The following ITSN2 variants were observed in gnomAD, a reference collection of about 807,000 sequenced individuals.
ITSN2 encodes intersectin 2.
A neutral mutation model predicts 243.7 loss-of-function variants in ITSN2; 156 were observed. The observed-to-expected ratio is 0.64, with a 90% CI of 0.56 to 0.73. The LOEUF (loss-of-function observed/expected upper bound fraction) is 0.73, where lower values mean the gene tolerates loss of function less well. Ranked by LOEUF, ITSN2 falls within the 30% of genes least tolerant of loss-of-function variation. The probability of loss-of-function intolerance (pLI) is 0.00; values close to 1 mark genes in which losing one functional copy is unlikely to be tolerated. For synonymous variants in ITSN2, 703 were observed against 699.9 expected, an observed-to-expected ratio of 1.00 and a Z score of -0.07; for missense variants, 1,801 against 1,996.1, an observed-to-expected ratio of 0.90 and a Z score of 1.86.
Position 24,310,622 on chromosome 2 carries a change from A to C in ITSN2, c.423T>G (p.Ser141=), listed in dbSNP as rs774190811. The C allele has an allele frequency of 1.2e-6, 2 of 1,614,200 alleles. No individual in the cohort carries two copies. The highest frequency in any genetic ancestry group is 2.2e-5 in the South Asian group (2 of 91,084). The change falls in exon 6 of 40, where the codon TCT becomes TCG. Residue 141 remains serine (S), a synonymous_variant. Coordinates refer to ENST00000355123, the MANE Select transcript of ITSN2 (RefSeq NM_006277.3). ...GAAGGTTGGTCCCTGAAGTCGCAGA[A>C]GACAATGATGTTATAGGTGCAGCTG... The part of the protein sequence containing the change: ...LPPAAPITSL[S]SATSGTNLPP...
chr2:24,215,681 A>G (rs2151122323), intron 32 of ITSN2, among the ~76,000 whole-genome samples: 1 of 152,192 alleles, frequency 6.6e-6, no homozygotes, highest in African/African-American at 2.4e-5. Context: ...AAAAAAAAAA[A>G]AAAAGAGTAA....
chr2:24,297,047 A>C (rs1461746718), intron 13 of ITSN2, among the ~76,000 whole-genome samples: 1 of 152,224 alleles, frequency 6.6e-6, no homozygotes, highest in Non-Finnish European at 1.5e-5. Context: ...TGATATATAT[A>C]TATAAAAATA....
intron 3 of ITSN2, among the ~76,000 whole-genome samples, chr2:24,313,724 A>C (rs1683551137): frequency 6.6e-6 from 1 of 152,242 alleles, no homozygotes; most frequent in Non-Finnish European, 1.5e-5. Context: ...TCACATCTGC[A>C]CTTCTATTGT....
intron 7 of ITSN2, 198 bp from the exon 8 acceptor site, chr2:24,308,954 T>C: frequency 1.8e-6 from 1 of 570,346 alleles, no homozygotes; most frequent in Non-Finnish European, 3.4e-6. Flanking sequence ...CTCCAGCTCC[T>C]GTCCAGTGAG....
rs186959971 is a variant in ITSN2, at chr2:24,327,558, A to G, written c.31+494T>C. 5.3e-3 allele frequency among the ~76,000 whole-genome samples: 800 copies of G among 152,184 alleles called. 5 individuals are homozygous for G. Among genetic ancestry groups the G allele is most frequent in the African/African-American group, 0.016 (670 of 41,524 alleles). ...AAGTGATCTCCCTCCTCAGCCTCAC[A>G]AAGTGCTGTAATTACAGGCATGAGC... On this transcript the variant is annotated intron_variant, in intron 2 of 39. Transcript: ENST00000355123.
At position 24,210,876 on chromosome 2, in the gene ITSN2, C is replaced by T; in HGVS notation, c.4161G>A (p.Glu1387=). 1 of 1,614,174 alleles carries T rather than the reference C, an allele frequency of 6.2e-7. No individual in the cohort carries two copies. Among genetic ancestry groups the T allele is most frequent in the Non-Finnish European group, 8.5e-7 (1 of 1,180,030 alleles). Residue 1387 remains glutamate, a synonymous_variant, in exon 34 of 40, where the codon GAG becomes GAA. Coordinates refer to ENST00000355123, the MANE Select transcript of ITSN2 (RefSeq NM_006277.3). ...SLKLALERAE[E]LCSQVNEGVR... is the part of the protein sequence containing the mutation. ...CTCCCTCATTCACTTGAGAGCACAGCTCCTCTGCCCGCTCGAGGGCCAGCT... is the reference window on the plus strand; with the variant it reads ...CTCCCTCATTCACTTGAGAGCACAGTTCCTCTGCCCGCTCGAGGGCCAGCT...
chr2:24,310,214 A>C (rs904231728), intron 7 of ITSN2, 70 bp downstream of exon 7: 1 of 1,052,320 alleles, frequency 9.5e-7, no homozygotes, highest in Non-Finnish European at 1.4e-6. Context: ...CAAAGCTTTA[A>C]AAAAATCATT....
At chr2:24,310,784 T>C in intron 5 of ITSN2, 92 bp from the exon 6 acceptor site, 4 of 962,284 alleles carry the variant, frequency 4.2e-6, no homozygotes, top group Non-Finnish European at 6.3e-6. Context: ...GGGCAGACTC[T>C]ATGTTTACCA....
chr2:24,269,174 T>C (rs977935564), intron 20 of ITSN2, among the ~76,000 whole-genome samples: 1 of 152,162 alleles, frequency 6.6e-6, no homozygotes, highest in East Asian at 1.9e-4. Flanking sequence ...TCTCTCACGT[T>C]ACTACTCCCC....
At chr2:24,216,801 G>C (rs1243070683) in intron 31 of ITSN2, among the ~76,000 whole-genome samples, 1 of 151,232 alleles carries the variant, frequency 6.6e-6, no homozygotes, top group Non-Finnish European at 1.5e-5. Context: ...TACACACCTG[G>C]GTAGCTGGGC....
intron 17 of ITSN2, 33 bp downstream of exon 17, chr2:24,284,730 T>C (rs1180213031): frequency 1.1e-5 from 14 of 1,277,840 alleles, no homozygotes; most frequent in Non-Finnish European, 1.6e-5. Flanking sequence ...GCAAAGTAAC[T>C]CAAAGAAAAG....
At position 24,308,704 on chromosome 2, in the gene ITSN2, A is replaced by G; in HGVS notation, c.706T>C (p.Ser236Pro). 6.5e-7 allele frequency: 1 copy of G among 1,531,166 alleles called. No homozygotes were observed. The highest frequency in any genetic ancestry group is 1.3e-5 in the South Asian group (1 of 74,792). The allele number at this position is 1,531,166 out of a possible 1,614,324, so 94.8% of individuals were successfully genotyped here. The change falls in exon 8 of 40, where the codon TCA becomes CCA. Residue 236 changes from serine (S) to proline (P), a missense_variant. By Grantham distance (74) the Ser-to-Pro change is moderately conservative. Coordinates refer to ENST00000355123, the MANE Select transcript of ITSN2 (RefSeq NM_006277.3). ...LSGNSPKTGT[S>P]EWAVPQPTRL... is the part of the protein sequence containing the mutation. ...GTAGGCTGAGGAACTGCCCACTCTG[A>G]GGTCCCAGTCTTGGGTGAGTTCCCT...
Position 24,293,776 on chromosome 2 carries a change from C to A in ITSN2, c.1636-1G>T. On this transcript the variant is annotated splice_acceptor_variant, in intron 14 of 39. Transcript: ENST00000355123. LOFTEE classifies it high-confidence loss of function. ...GATAGATAAGCTTATTCTGATATTCCTTATAAAAAGAAAAAATAGTACCTG... is the reference window on the plus strand; with the variant it reads ...GATAGATAAGCTTATTCTGATATTCATTATAAAAAGAAAAAATAGTACCTG... 2 of 908,436 alleles carry A rather than the reference C, an allele frequency of 2.2e-6. No homozygotes were observed. The highest frequency in any genetic ancestry group is 1.7e-5 in the South Asian group (1 of 58,894). 56.3% of individuals were successfully genotyped at this position (908,436 alleles called of 1,614,324 possible).
chr2:24,308,710 C>T lies in ITSN2; in HGVS notation c.700G>A (p.Gly234Arg). ...TGAGGAACTGCCCACTCTGAGGTCCCAGTCTTGGGTGAGTTCCCTGAGAGT... is the reference window on the plus strand; with the variant it reads ...TGAGGAACTGCCCACTCTGAGGTCCTAGTCTTGGGTGAGTTCCCTGAGAGT... ...ASLSGNSPKT[G>R]TSEWAVPQPT... Residue 234 changes from glycine (G) to arginine (R), a missense_variant, in exon 8 of 40, where the codon GGG becomes AGG. Physicochemically the swap from Gly to Arg is moderately radical, Grantham distance 125. This residue lies in a region of ITSN2 where 787 missense variants were observed against 803.9 expected (regional missense o/e 0.98). Coordinates refer to ENST00000355123, the MANE Select transcript of ITSN2 (RefSeq NM_006277.3). 6.5e-7 allele frequency: 1 copy of T among 1,527,762 alleles called. No homozygotes were observed. Among genetic ancestry groups the T allele is most frequent in the Non-Finnish European group, 8.8e-7 (1 of 1,131,086 alleles). 94.6% of individuals were successfully genotyped at this position (1,527,762 alleles called of 1,614,324 possible).
intron 24 of ITSN2, 84 bp from the exon 25 acceptor site, chr2:24,252,595 T>C (rs975968322): frequency 3.5e-5 from 33 of 948,748 alleles, no homozygotes; most frequent in Middle Eastern, 2.2e-4. Context: ...CTCCAAGACA[T>C]TGTATAAGTT....
chr2:24,227,252 C>T (rs997496790), intron 29 of ITSN2, among the ~76,000 whole-genome samples: 1 of 134,228 alleles, frequency 7.5e-6, no homozygotes, highest in Non-Finnish European at 1.6e-5. Flanking sequence ...TGAGATTCCA[C>T]AGAAAAACCA....
At chr2:24,339,039 T>C (rs972542837) in intron 1 of ITSN2, among the ~76,000 whole-genome samples, 13 of 152,154 alleles carry the variant, frequency 8.5e-5, no homozygotes, top group Admixed American at 6.5e-4. Context: ...GCAGATAGGC[T>C]CTGTTATAAA....
chr2:24,283,440 G>A (rs1029169893), intron 17 of ITSN2, among the ~76,000 whole-genome samples: 1 of 152,130 alleles, frequency 6.6e-6, no homozygotes, highest in African/African-American at 2.4e-5. Context: ...TGGCCACGCT[G>A]GTCTCAAACT....
chr2:24,322,975 TATC>T (rs1007046821), intron 2 of ITSN2, among the ~76,000 whole-genome samples: 2 of 151,774 alleles, frequency 1.3e-5, no homozygotes, highest in African/African-American at 2.4e-5. Context: ...TCAATATCAC[TATC>T]ATCAGGGAAA....
Sources: gnomAD v4.1 joint callset for allele counts (sites outside exome capture counted in the v4.1 genomes callset) on GRCh38, gnomAD v4.1.1 for gene constraint, gnomAD v4.1.1 regional missense constraint, MANE v1.5 for transcripts, NCBI Gene and HGNC (gene_info 2026-07-23, HGNC 2026-07-21) for gene names.